Variants in APBB2 observed in about 807,000 individuals in gnomAD.
The protein encoded by APBB2 is Fe65-like 1.
In APBB2, 38 loss-of-function variants were observed where a neutral mutation model predicts 82.5. That is an observed-to-expected ratio of 0.46 (90% CI 0.36 to 0.60). The LOEUF (loss-of-function observed/expected upper bound fraction) is 0.60. APBB2 is among the 20% of genes least tolerant of loss of function. The pLI, the probability that APBB2 is intolerant of heterozygous loss-of-function variation, is 0.00. For missense variants in APBB2, 772 were observed against 972.3 expected, an observed-to-expected ratio of 0.79 and a Z score of 2.74; for synonymous variants, 341 against 368.2, an observed-to-expected ratio of 0.93 and a Z score of 0.85.
At chr4:40,845,764 C>A (rs1033895311) in intron 12 of APBB2, among the ~76,000 whole-genome samples, 2 of 152,002 alleles carry the variant, frequency 1.3e-5, no homozygotes, top group Non-Finnish European at 2.9e-5. Context: ...TGCCAGTAGA[C>A]TTCTCACTCC....
chr4:41,084,086 C>T lies in APBB2; in HGVS notation c.-149+16553G>A, dbSNP rs534827713. Among the ~76,000 whole-genome samples the T allele has an allele frequency of 1.8e-3, 268 of 152,206 alleles. 2 individuals are homozygous for T. The highest frequency in any genetic ancestry group is 6.2e-3 in the African/African-American group (258 of 41,532). On this transcript the variant is annotated intron_variant, in intron 3 of 17. Coordinates refer to ENST00000508593, the MANE Select transcript of APBB2 (RefSeq NM_004307.2). ...TAAAAAAAGTGATCATTAATAGTGA[C>T]TAGATAACAAACTAATAAATCTATG...
intron 11 of APBB2, chr4:40,890,735 G>C (rs1771767087): frequency 2.4e-6 from 1 of 413,026 alleles, no homozygotes; most frequent in East Asian, 4.2e-5. Context: ...TGCTTTCCAG[G>C]CTGCTCTTAA....
At chr4:41,063,316 T>C (rs181056573) in intron 4 of APBB2, among the ~76,000 whole-genome samples, 25 of 152,248 alleles carry the variant, frequency 1.6e-4, no homozygotes, top group Non-Finnish European at 3.4e-4. Flanking sequence ...CATTTAAAAA[T>C]ATAAAAACCA....
chr4:41,048,351 G>C (rs73809458), intron 4 of APBB2, among the ~76,000 whole-genome samples: 12,131 of 152,100 alleles, frequency 0.08, 1,576 homozygotes, highest in African/African-American at 0.28. Context: ...ACTTCTGGTC[G>C]CAAACATCTT....
chr4:40,815,856 G>A lies in APBB2; in HGVS notation c.*236C>T. On this transcript the variant is annotated 3_prime_UTR_variant, in exon 18 of 18. Transcript: ENST00000508593. ...TTCACAATATTTACAATAAGAAAAA[G>A]ACCTTCCACTGCGCATGATGTAACT... is the stretch of plus-strand genomic sequence containing the variant. 4.1e-6 allele frequency: 2 copies of A among 485,830 alleles called. No homozygotes were observed. Among genetic ancestry groups the A allele is most frequent in the Non-Finnish European group, 7.4e-6 (2 of 270,820 alleles). 30.1% of individuals were successfully genotyped at this position (485,830 alleles called of 1,614,324 possible).
intron 1 of APBB2, among the ~76,000 whole-genome samples, chr4:41,179,124 T>G (rs532006552): frequency 1.9e-4 from 29 of 152,358 alleles, no homozygotes; most frequent in African/African-American, 6.7e-4. Context: ...AGACATGTAT[T>G]TGTTCTTTCA....
chr4:41,119,980 C>A (rs951252390), intron 2 of APBB2, among the ~76,000 whole-genome samples: 1 of 152,152 alleles, frequency 6.6e-6, no homozygotes, highest in Non-Finnish European at 1.5e-5. Context: ...GTGTTCCATG[C>A]TGTAATTTAG....
At chr4:41,045,350 G>C (rs1318647332) in intron 4 of APBB2, among the ~76,000 whole-genome samples, 1 of 152,082 alleles carries the variant, frequency 6.6e-6, no homozygotes, top group Non-Finnish European at 1.5e-5. Context: ...CTGGAGTGCA[G>C]TGGCGTGATC....
chr4:40,910,159 G>A (rs1778172861), intron 10 of APBB2, among the ~76,000 whole-genome samples: 2 of 150,480 alleles, frequency 1.3e-5, no homozygotes, highest in South Asian at 4.2e-4. Context: ...GTAGAGACAG[G>A]GTTTTACCAT....
rs143330833 is a variant in APBB2 at position 40,868,931 on chromosome 4, A to G, written c.1529+21433T>C. 3.4e-3 allele frequency among the ~76,000 whole-genome samples: 512 copies of G among 152,356 alleles called. 3 individuals carry two copies. Among genetic ancestry groups the G allele is most frequent in the African/African-American group, 0.012 (480 of 41,590 alleles). On this transcript the variant is annotated intron_variant, in intron 12 of 17. Transcript: ENST00000508593. ...TGGAAGGCACATTTCACACATGCAC[A>G]TGAAAAGCCAATCACCATGCTTACG...
chr4:40,963,680 C>G (rs756079935), intron 6 of APBB2, among the ~76,000 whole-genome samples: 2 of 152,230 alleles, frequency 1.3e-5, no homozygotes, highest in African/African-American at 4.8e-5. Context: ...GCAAATGAAT[C>G]CGATGCTATA....
intron 4 of APBB2, among the ~76,000 whole-genome samples, chr4:41,047,595 G>A (rs1723896095): frequency 1.3e-5 from 2 of 152,150 alleles, no homozygotes; most frequent in African/African-American, 4.8e-5. Context: ...GTTTCACACA[G>A]AAGGACACCA....
chr4:40,944,031 G>A (rs1355552927), intron 7 of APBB2, among the ~76,000 whole-genome samples: 1 of 152,270 alleles, frequency 6.6e-6, no homozygotes, highest in Non-Finnish European at 1.5e-5. Flanking sequence ...AGATAAAGAA[G>A]CTTCCACAGT....
chr4:40,822,193 G>T, intron 16 of APBB2, 143 bp from the exon 17 acceptor site: 2 of 935,936 alleles, frequency 2.1e-6, no homozygotes, highest in Non-Finnish European at 3.2e-6. Flanking sequence ...GCGGAACCTT[G>T]CCCAAATGTC....
At chr4:40,874,755 TTC>T (rs2154342422) in intron 12 of APBB2, among the ~76,000 whole-genome samples, 1 of 152,310 alleles carries the variant, frequency 6.6e-6, no homozygotes, top group East Asian at 1.9e-4. Flanking sequence ...TTTAGGGGCT[TTC>T]TCTGAGAATA....
chr4:40,891,330 C>T (rs1771968290), intron 11 of APBB2, among the ~76,000 whole-genome samples: 1 of 152,116 alleles, frequency 6.6e-6, no homozygotes, highest in Non-Finnish European at 1.5e-5. Flanking sequence ...ACTTGATTCC[C>T]CCTGCAATCT....
intron 10 of APBB2, among the ~76,000 whole-genome samples, chr4:40,903,882 C>G (rs1775993096): frequency 6.6e-6 from 1 of 152,170 alleles, no homozygotes; most frequent in Non-Finnish European, 1.5e-5. Context: ...CCATGTATTC[C>G]TGCTATATGT....
intron 6 of APBB2, among the ~76,000 whole-genome samples, chr4:40,967,261 C>T (rs1204448447): frequency 6.6e-6 from 1 of 152,192 alleles, no homozygotes; most frequent in Non-Finnish European, 1.5e-5. Context: ...GTCTGCATAC[C>T]TCATTCTTCC....
At chr4:41,009,343 T>C (rs921123139) in intron 6 of APBB2, among the ~76,000 whole-genome samples, 5 of 151,984 alleles carry the variant, frequency 3.3e-5, no homozygotes, top group Non-Finnish European at 5.9e-5. Flanking sequence ...ATGAAAATAG[T>C]CATTTCACAG....
Sources: allele counts gnomAD v4.1 joint callset (sites outside exome capture counted in the v4.1 genomes callset), GRCh38; gene constraint gnomAD v4.1.1; transcripts MANE v1.5; gene names NCBI Gene and HGNC (gene_info 2026-07-23, HGNC 2026-07-21).